Variants in MSRA observed in about 807,000 individuals in gnomAD.
MSRA encodes the protein methionine sulfoxide reductase A, also known as mitochondrial peptide methionine sulfoxide reductase.
MSRA carries 54 observed loss-of-function variants against 31.3 expected under a neutral mutation model. That is an observed-to-expected ratio of 1.73 (90% CI 1.39 to 2.17). MSRA has a LOEUF of 2.17. Ranked by LOEUF, MSRA falls within the 30% of genes most tolerant of loss-of-function variation. The pLI is 0.00. For synonymous variants in MSRA, 169 were observed against 116.5 expected, an observed-to-expected ratio of 1.45 and a Z score of -2.90; for missense variants, 507 against 300.9, an observed-to-expected ratio of 1.69 and a Z score of -5.07.
At chr8:10,307,077 G>A (rs1386895244) in intron 4 of MSRA, among the ~76,000 whole-genome samples, 1 of 152,048 alleles carries the variant, frequency 6.6e-6, no homozygotes, top group African/African-American at 2.4e-5. Flanking sequence ...GTATTTGGAT[G>A]CAGCTCTGTC....
intron 5 of MSRA, among the ~76,000 whole-genome samples, chr8:10,375,084 C>A (rs991021736): frequency 4.6e-5 from 7 of 152,104 alleles, no homozygotes; most frequent in African/African-American, 1.7e-4. Flanking sequence ...GAACCGTGAG[C>A]CAAAAAACCT....
chr8:10,400,962 A>G (rs906424030), intron 5 of MSRA, among the ~76,000 whole-genome samples: 7 of 152,376 alleles, frequency 4.6e-5, no homozygotes, highest in East Asian at 3.9e-4. Flanking sequence ...TGGATTTGCA[A>G]TGGATTTAAT....
intron 1 of MSRA, among the ~76,000 whole-genome samples, chr8:10,189,526 A>G (rs908046756): frequency 6.6e-6 from 1 of 152,214 alleles, no homozygotes; most frequent in African/African-American, 2.4e-5. Flanking sequence ...TTGACTAAAA[A>G]AAGTTTTTTA....
chr8:10,344,513 G>A (rs897484898), intron 5 of MSRA, among the ~76,000 whole-genome samples: 12 of 126,454 alleles, frequency 9.5e-5, no homozygotes, highest in African/African-American at 3.0e-4. Flanking sequence ...GGCGGAGATT[G>A]CATCAATCCG....
intron 1 of MSRA, among the ~76,000 whole-genome samples, chr8:10,122,199 C>A (rs1801171018): frequency 6.6e-6 from 1 of 152,122 alleles, no homozygotes; most frequent in African/African-American, 2.4e-5. Context: ...AATTGATGTA[C>A]ATGTCTAGCA....
At chr8:10,141,868 G>A (rs1004341746) in intron 1 of MSRA, among the ~76,000 whole-genome samples, 3 of 152,342 alleles carry the variant, frequency 2.0e-5, no homozygotes, top group African/African-American at 4.8e-5. Flanking sequence ...ACTGTGCCTA[G>A]CTGGTAGTAG....
At chr8:10,186,513 T>C (rs893272575) in intron 1 of MSRA, among the ~76,000 whole-genome samples, 2 of 152,216 alleles carry the variant, frequency 1.3e-5, no homozygotes, top group African/African-American at 4.8e-5. Flanking sequence ...TCTTAGCTCA[T>C]AGGCTGTACA....
At chr8:10,415,104 G>A (rs935622981) in intron 5 of MSRA, among the ~76,000 whole-genome samples, 4 of 152,226 alleles carry the variant, frequency 2.6e-5, no homozygotes, top group African/African-American at 7.2e-5. Flanking sequence ...GTCTGAGCCA[G>A]AGCAAATGGG....
intron 1 of MSRA, among the ~76,000 whole-genome samples, chr8:10,200,999 A>T (rs1808448898): frequency 6.6e-6 from 1 of 152,166 alleles, no homozygotes; most frequent in African/African-American, 2.4e-5. Context: ...CTTGTGGGCC[A>T]CATAGGAACC....
intron 2 of MSRA, among the ~76,000 whole-genome samples, chr8:10,236,446 C>T (rs1455472330): frequency 6.6e-6 from 1 of 152,162 alleles, no homozygotes; most frequent in Admixed American, 6.5e-5. Context: ...TGTTTTTATA[C>T]ACCAGCACTA....
chr8:10,153,824 A>C (rs1230294753), intron 1 of MSRA, among the ~76,000 whole-genome samples: 1 of 152,236 alleles, frequency 6.6e-6, no homozygotes, highest in Admixed American at 6.5e-5. Context: ...GTTGGTTTTC[A>C]AATCTCATAT....
chr8:10,313,453 G>A (rs1801544676), intron 4 of MSRA, among the ~76,000 whole-genome samples: 2 of 150,404 alleles, frequency 1.3e-5, no homozygotes, highest in Non-Finnish European at 2.9e-5. Flanking sequence ...GAAGTGGAGT[G>A]CTACCAAAAA....
intron 5 of MSRA, among the ~76,000 whole-genome samples, chr8:10,402,866 G>C (rs1807551627): frequency 6.6e-6 from 1 of 152,174 alleles, no homozygotes; most frequent in Non-Finnish European, 1.5e-5. Flanking sequence ...TGTACTGAAG[G>C]GTCCCAACAT....
intron 1 of MSRA, among the ~76,000 whole-genome samples, chr8:10,182,445 AC>A (rs1294017792): frequency 6.6e-6 from 1 of 152,214 alleles, no homozygotes; most frequent in Non-Finnish European, 1.5e-5. Flanking sequence ...AGAGTCTCTC[AC>A]AAGGCTACCC....
At chr8:10,392,955 G>C (rs1260985395) in intron 5 of MSRA, among the ~76,000 whole-genome samples, 3 of 148,764 alleles carry the variant, frequency 2.0e-5, no homozygotes, top group Admixed American at 1.3e-4. Flanking sequence ...CCAGCTACTC[G>C]GCAGGCTGAG....
rs528173543 is a variant in MSRA, at chr8:10,404,405, C to A, written c.544-23743C>A. ...CAGGGAAGTGACGATCCCGTCACCA[C>A]CCCCCAACCCTCCGTGGGGAGGGGC... On this transcript the variant is annotated intron_variant, in intron 5 of 5. Transcript: ENST00000317173. 5.9e-3 allele frequency among the ~76,000 whole-genome samples: 897 copies of A among 152,342 alleles called. 5 individuals carry two copies. The highest frequency in any genetic ancestry group is 0.017 in the Middle Eastern group (5 of 294).
At chr8:10,067,872 G>C (rs1425585776) in intron 1 of MSRA, among the ~76,000 whole-genome samples, 4 of 94,948 alleles carry the variant, frequency 4.2e-5, no homozygotes, top group African/African-American at 1.4e-4. Flanking sequence ...TTTTCTTACT[G>C]AGTTTTTTTT....
chr8:10,064,291 TCTG>T (rs1476161467), intron 1 of MSRA, among the ~76,000 whole-genome samples: 1 of 152,212 alleles, frequency 6.6e-6, no homozygotes, highest in South Asian at 2.1e-4. Flanking sequence ...CTGCGTGTCC[TCTG>T]GGTCAGCTGG....
intron 3 of MSRA, among the ~76,000 whole-genome samples, chr8:10,286,881 GCA>G (rs1278124106): frequency 1.3e-5 from 2 of 152,234 alleles, no homozygotes; most frequent in Admixed American, 1.3e-4. Context: ...ACATGTGTGT[GCA>G]CACACGTGTA....
Sources: allele counts gnomAD v4.1 joint callset (sites outside exome capture counted in the v4.1 genomes callset), GRCh38; gene constraint gnomAD v4.1.1; transcripts MANE v1.5; gene names NCBI Gene and HGNC (gene_info 2026-07-23, HGNC 2026-07-21).